ACYP2: variants seen among roughly 807,000 people sequenced by gnomAD.
ACYP2 encodes the protein acylphosphatase 2.
In ACYP2, 12 loss-of-function variants were observed where a neutral mutation model predicts 11.2. The observed-to-expected ratio is 1.08, with a 90% confidence interval of 0.69 to 1.74. ACYP2 has a LOEUF of 1.74. Among genes scored for constraint, ACYP2 ranks in the 40% most tolerant of loss-of-function variants. The pLI, the probability that ACYP2 is intolerant of heterozygous loss-of-function variation, is 0.00. For missense variants in ACYP2, 134 were observed against 101.9 expected, an observed-to-expected ratio of 1.31 and a Z score of -1.35; for synonymous variants, 43 against 32.2, an observed-to-expected ratio of 1.33 and a Z score of -1.13.
chr2:53,995,492 A>ATTTATTTATTTATTT (rs2104522919), intron 2 of ACYP2, among the ~76,000 whole-genome samples: 1 of 140,974 alleles, frequency 7.1e-6, no homozygotes, highest in Non-Finnish European at 1.5e-5. Context: ...TTTATTTTTT[A>ATTTATTTATTTATTT]TTTATTTATT....
intron 6 of ACYP2, among the ~76,000 whole-genome samples, chr2:54,266,412 G>C (rs1019390242): frequency 3.3e-5 from 5 of 151,960 alleles, no homozygotes; most frequent in Admixed American, 2.6e-4. Context: ...GGACTGGATA[G>C]TAAATGTTTT....
chr2:54,261,947 A>G (rs76165334), intron 6 of ACYP2, among the ~76,000 whole-genome samples: 2,188 of 152,326 alleles, frequency 0.014, 42 homozygotes, highest in African/African-American at 0.05. Context: ...TCTTTATTGT[A>G]TATAAATATA....
intron 6 of ACYP2, among the ~76,000 whole-genome samples, chr2:54,269,721 A>G (rs945694931): frequency 6.6e-6 from 1 of 152,212 alleles, no homozygotes; most frequent in Non-Finnish European, 1.5e-5. Context: ...AATGCAATAG[A>G]TGTTAAAATC....
rs191945244 is a variant in ACYP2, at chr2:54,226,345, C to G, written c.405-78343C>G. Reference sequence around the variant, plus strand: ...TGGAATTTTTATGTGCATTTCGAGGCTGCAGTTTCCTCTGACAGACAATCC... The same window carrying G: ...TGGAATTTTTATGTGCATTTCGAGGGTGCAGTTTCCTCTGACAGACAATCC... On this transcript the variant is annotated intron_variant, in intron 6 of 6. Transcript: ENST00000607452. Among the ~76,000 whole-genome samples, 345 of 152,322 alleles carry G rather than the reference C, an allele frequency of 2.3e-3. 2 individuals carry two copies. The highest frequency in any genetic ancestry group is 7.6e-3 in the African/African-American group (317 of 41,584).
chr2:53,991,468 C>T (rs1005828933), intron 2 of ACYP2, among the ~76,000 whole-genome samples: 5 of 149,498 alleles, frequency 3.3e-5, no homozygotes, highest in South Asian at 2.1e-4. Context: ...TGCAGTGGTG[C>T]GATCTTGGCT....
At chr2:54,237,023 C>A (rs1167783060) in intron 6 of ACYP2, among the ~76,000 whole-genome samples, 1 of 152,134 alleles carries the variant, frequency 6.6e-6, no homozygotes, top group Non-Finnish European at 1.5e-5. Flanking sequence ...TTTGTCTTGT[C>A]ATTATTCCCT....
intron 6 of ACYP2, among the ~76,000 whole-genome samples, chr2:54,243,651 C>A (rs1402539211): frequency 6.6e-6 from 1 of 152,154 alleles, no homozygotes; most frequent in African/African-American, 2.4e-5. Flanking sequence ...CTCACTGCAA[C>A]CTCTGCCTCC....
At chr2:54,189,907 G>C (rs1684171190) in intron 6 of ACYP2, among the ~76,000 whole-genome samples, 1 of 152,144 alleles carries the variant, frequency 6.6e-6, no homozygotes, top group African/African-American at 2.4e-5. Context: ...TAATGGGTGT[G>C]AGATGGTATC....
intron 4 of ACYP2, among the ~76,000 whole-genome samples, chr2:54,067,786 A>G (rs1182882397): frequency 2.0e-5 from 3 of 152,254 alleles, no homozygotes; most frequent in East Asian, 1.9e-4. Context: ...AAAGTAAAAC[A>G]TAACAAAACA....
rs565110011 is a variant in ACYP2 at position 54,163,856 on chromosome 2, C to CA, written c.404+25119dup. On this transcript the variant is annotated intron_variant, in intron 6 of 6. Transcript: ENST00000607452. ...GGCCACCAAGAGCAAAACTCTGTCTCAAAAAAAAAAAGTTATCATTCACTT... is the reference window on the plus strand; with the variant it reads ...GGCCACCAAGAGCAAAACTCTGTCTCAAAAAAAAAAAAGTTATCATTCACTT... 7.5e-3 allele frequency among the ~76,000 whole-genome samples: 1,093 copies of CA among 145,192 alleles called. 6 individuals carry two copies. Among genetic ancestry groups the CA allele is most frequent in the African/African-American group, 0.026 (1,035 of 39,878 alleles).
intron 2 of ACYP2, among the ~76,000 whole-genome samples, chr2:54,007,255 CT>C (rs35008364): frequency 0.4 from 48,220 of 120,088 alleles, 7,346 homozygotes; most frequent in East Asian, 0.63. Context: ...CATGGTTTTT[CT>C]TTTTTTTTTT....
At chr2:54,043,592 A>G (rs1427306110) in intron 2 of ACYP2, among the ~76,000 whole-genome samples, 4 of 152,220 alleles carry the variant, frequency 2.6e-5, no homozygotes, top group Non-Finnish European at 4.4e-5. Flanking sequence ...CATTGTGCTA[A>G]TTAAAAAATT....
At chr2:54,061,715 C>T (rs765697292) in intron 4 of ACYP2, among the ~76,000 whole-genome samples, 11 of 152,100 alleles carry the variant, frequency 7.2e-5, no homozygotes, top group Non-Finnish European at 1.6e-4. Flanking sequence ...TAACAAATGG[C>T]CACAAGCAGA....
intron 6 of ACYP2, among the ~76,000 whole-genome samples, chr2:54,175,984 TA>T (rs1558588768): frequency 6.6e-6 from 1 of 152,122 alleles, no homozygotes; most frequent in Non-Finnish European, 1.5e-5. Flanking sequence ...ACACCCCCTT[TA>T]CCATGTGAGG....
At chr2:54,180,516 A>G (rs1322479627) in intron 6 of ACYP2, among the ~76,000 whole-genome samples, 2 of 152,180 alleles carry the variant, frequency 1.3e-5, no homozygotes, top group Non-Finnish European at 2.9e-5. Flanking sequence ...TAGGAGTTCT[A>G]TGCCAGAAAT....
intron 6 of ACYP2, among the ~76,000 whole-genome samples, chr2:54,165,529 TCTCTCTCACACACACACA>T (rs1165386801): frequency 2.8e-5 from 4 of 143,088 alleles, no homozygotes; most frequent in South Asian, 2.2e-4. Context: ...TCTCTCTCTC[TCTCTCTCACACACACACA>T]CACACACACA....
rs3066946 is a variant in ACYP2 at position 53,982,828 on chromosome 2, CTGTGTGTGTGTGTGTG to C, written c.62+9049_62+9064del. On this transcript the variant is annotated intron_variant, in intron 2 of 6. Coordinates refer to ENST00000607452, the MANE Select transcript of ACYP2 (RefSeq NM_001320586.2). ...CATACAACAAATCCTTCACACAAGA[CTGTGTGTGTGTGTGTG>C]TGTGTGTGTGTGTGTGTGTGTGTGT... Among the ~76,000 whole-genome samples the C allele has an allele frequency of 5.2e-3, 725 of 140,616 alleles. 6 individuals carry two copies. The highest frequency in any genetic ancestry group is 0.019 in the African/African-American group (682 of 36,782). The allele number at this position is 140,616 out of a possible 152,430, so 92.2% of individuals were successfully genotyped here.
chr2:54,222,310 G>C (rs1407395976), intron 6 of ACYP2, among the ~76,000 whole-genome samples: 1 of 152,206 alleles, frequency 6.6e-6, no homozygotes, highest in Non-Finnish European at 1.5e-5. Flanking sequence ...AGCACTTTGG[G>C]AGGCCGAGGC....
chr2:54,181,496 A>G (rs1018063687), intron 6 of ACYP2, among the ~76,000 whole-genome samples: 4 of 152,290 alleles, frequency 2.6e-5, no homozygotes, highest in Admixed American at 2.6e-4. Flanking sequence ...TAGTAGCAGA[A>G]TTAAACCAGA....
Sources: allele counts gnomAD v4.1 joint callset (sites outside exome capture counted in the v4.1 genomes callset), GRCh38; gene constraint gnomAD v4.1.1; transcripts MANE v1.5; gene names NCBI Gene and HGNC (gene_info 2026-07-23, HGNC 2026-07-21).